Variants in SRGAP2C observed in about 807,000 individuals in gnomAD.
SRGAP2C encodes the protein SLIT-ROBO Rho GTPase activating protein 2C.
Under a neutral mutation model 25.1 loss-of-function variants are expected in SRGAP2C, and 15 were observed. The ratio of observed to expected loss-of-function variants is 0.60; its 90% CI spans 0.40 to 0.92. The LOEUF (loss-of-function observed/expected upper bound fraction) is 0.92, where lower values mean the gene tolerates loss of function less well. SRGAP2C is among the 40% of genes least tolerant of loss of function. The pLI is 0.00. For synonymous variants in SRGAP2C, 44 were observed against 96.6 expected (o/e 0.46, Z 3.19); for missense variants, 144 against 264.4 (o/e 0.54, Z 3.16).
intron 2 of SRGAP2C, among the ~76,000 whole-genome samples, chr1:121,225,824 C>T (rs1467217991): frequency 1.4e-5 from 2 of 144,272 alleles, no homozygotes; most frequent in Non-Finnish European, 1.5e-5. Flanking sequence ...CCTGCCTCAG[C>T]CTCCCGAGTA....
At chr1:121,270,089 T>G (rs1656904752) in intron 2 of SRGAP2C, among the ~76,000 whole-genome samples, 1 of 143,530 alleles carries the variant, frequency 7.0e-6, no homozygotes, top group Admixed American at 7.1e-5. Flanking sequence ...GTTTTTGTTT[T>G]GATTGATCTA....
At chr1:121,205,037 C>CAA (rs1228295226) in intron 2 of SRGAP2C, among the ~76,000 whole-genome samples, 9 of 1,932 alleles carry the variant, frequency 4.7e-3, no homozygotes, top group African/African-American at 0.015. Context: ...GACCCTGTCT[C>CAA]AAAAAAAAAA....
intron 2 of SRGAP2C, among the ~76,000 whole-genome samples, chr1:121,198,319 A>G (rs1375238359): frequency 2.7e-5 from 4 of 148,090 alleles, no homozygotes; most frequent in Non-Finnish European, 6.0e-5. Context: ...TTTCTTAACC[A>G]TATCTTCTAA....
intron 3 of SRGAP2C, among the ~76,000 whole-genome samples, chr1:121,322,078 T>G (rs1658222600): frequency 1.3e-5 from 2 of 149,934 alleles, no homozygotes; most frequent in Admixed American, 1.3e-4. Flanking sequence ...ATTTGTGGAA[T>G]TGAATTGTGG....
At chr1:121,218,946 C>A (rs1553325241) in intron 2 of SRGAP2C, among the ~76,000 whole-genome samples, 1 of 152,002 alleles carries the variant, frequency 6.6e-6, no homozygotes, top group African/African-American at 2.4e-5. Flanking sequence ...GGGCAGAATT[C>A]TTCCAGATTT....
chr1:121,323,550 A>T (rs1183842852), intron 3 of SRGAP2C, among the ~76,000 whole-genome samples: 7 of 95,408 alleles, frequency 7.3e-5, no homozygotes. Flanking sequence ...CGGGAGGCGG[A>T]GGTTGCAGTG....
At chr1:121,225,815 C>T (rs1553326447) in intron 2 of SRGAP2C, among the ~76,000 whole-genome samples, 1 of 144,906 alleles carries the variant, frequency 6.9e-6, no homozygotes. Context: ...AGTGATTCTC[C>T]TGCCTCAGCC....
At chr1:121,223,351 T>TTGCGTG (rs1175833878) in intron 2 of SRGAP2C, among the ~76,000 whole-genome samples, 38 of 64,804 alleles carry the variant, frequency 5.9e-4, no homozygotes, top group African/African-American at 2.1e-3. Flanking sequence ...TGGGAGGAGT[T>TTGCGTG]TGTGTGTGTG....
At chr1:121,308,467 A>C (rs1657898925) in intron 3 of SRGAP2C, among the ~76,000 whole-genome samples, 1 of 151,208 alleles carries the variant, frequency 6.6e-6, no homozygotes, top group Non-Finnish European at 1.5e-5. Flanking sequence ...ATCAGATGAT[A>C]AATTAATAGC....
At chr1:121,384,842 T>G (rs374990158) in intron 8 of SRGAP2C, among the ~76,000 whole-genome samples, 1 of 152,204 alleles carries the variant, frequency 6.6e-6, no homozygotes, top group African/African-American at 2.4e-5. Context: ...TCATCAGCTC[T>G]GCTACTTCTT....
rs1369735388 is a variant in SRGAP2C, at chr1:121,237,329, G to A, written c.68-47474G>A. ...CTCATAGGTGAGTAGTGAGGAGCTG[G>A]GCTCAAGCGAATTAATCCCGGATCT... is the stretch of plus-strand genomic sequence containing the variant. On this transcript the variant is annotated intron_variant, in intron 2 of 9. Transcript: ENST00000367123. Among the ~76,000 whole-genome samples, 15 of 151,252 alleles carry A rather than the reference G, an allele frequency of 9.9e-5. No homozygotes were observed. In the East Asian group the frequency reaches 2.4e-3, roughly 24 times the overall value.
chr1:121,278,317 A>G (rs1657160388), intron 2 of SRGAP2C, among the ~76,000 whole-genome samples: 1 of 150,544 alleles, frequency 6.6e-6, no homozygotes, highest in Non-Finnish European at 1.5e-5. Context: ...TTGAGGAAGA[A>G]TATTTGCTGT....
chr1:121,190,187 A>T (rs1346381359), intron 2 of SRGAP2C, among the ~76,000 whole-genome samples: 1 of 152,100 alleles, frequency 6.6e-6, no homozygotes, highest in African/African-American at 2.4e-5. Context: ...GGTCAGAATT[A>T]TTATGAGTGT....
At chr1:121,229,045 G>T (rs1481523477) in intron 2 of SRGAP2C, among the ~76,000 whole-genome samples, 1 of 146,840 alleles carries the variant, frequency 6.8e-6, no homozygotes, top group Non-Finnish European at 1.5e-5. Context: ...TCACATTGAG[G>T]GGAGACTCAG....
Position 121,389,180 on chromosome 1 carries a change from C to A in SRGAP2C, c.*1325C>A, listed in dbSNP as rs1558142124. 1 of 151,924 alleles carries A rather than the reference C, an allele frequency of 6.6e-6. No homozygotes were observed. 9.4% of individuals were successfully genotyped at this position (151,924 alleles called of 1,614,324 possible). A position where few individuals can be genotyped will look rare whatever the true frequency, so the allele number is the denominator to read the frequency against. On this transcript the variant is annotated 3_prime_UTR_variant, in exon 10 of 10. Transcript: ENST00000367123. Reference sequence around the variant, plus strand: ...TATGAGTAAAATATTAAAACCTATACAAAAAAATAACAGAATGGCATTTTA... The same window carrying A: ...TATGAGTAAAATATTAAAACCTATAAAAAAAAATAACAGAATGGCATTTTA...
intron 3 of SRGAP2C, among the ~76,000 whole-genome samples, chr1:121,285,424 A>T (rs1266428024): frequency 2.0e-5 from 3 of 146,820 alleles, no homozygotes; most frequent in Admixed American, 6.9e-5. Context: ...ACACACACAC[A>T]CTCACACTCA....
chr1:121,368,066 ACT>A (rs1362990056), intron 5 of SRGAP2C, among the ~76,000 whole-genome samples: 1 of 85,304 alleles, frequency 1.2e-5, no homozygotes, highest in Non-Finnish European at 2.4e-5. Flanking sequence ...ACAGAGCGAG[ACT>A]CTGTCTCAAA....
chr1:121,278,255 G>T (rs1383731584), intron 2 of SRGAP2C, among the ~76,000 whole-genome samples: 5 of 151,622 alleles, frequency 3.3e-5, no homozygotes, highest in African/African-American at 1.2e-4. Context: ...CCTGTTTTGT[G>T]CCTTACTTAA....
intron 2 of SRGAP2C, among the ~76,000 whole-genome samples, chr1:121,212,153 C>T (rs1423812726): frequency 1.7e-4 from 16 of 94,916 alleles, no homozygotes; most frequent in South Asian, 4.4e-4. Flanking sequence ...TTTTTTGAGA[C>T]GGAGTCTCGC....
Sources: allele counts gnomAD v4.1 joint callset (sites outside exome capture counted in the v4.1 genomes callset), GRCh38; gene constraint gnomAD v4.1.1; transcripts MANE v1.5; gene names NCBI Gene and HGNC (gene_info 2026-07-23, HGNC 2026-07-21).